Variants in THSD4 observed in about 807,000 individuals in gnomAD.
The protein encoded by THSD4 is thrombospondin type-1 domain-containing protein 4.
THSD4 carries 69 observed loss-of-function variants against 119.0 expected under a neutral mutation model. The observed-to-expected ratio is 0.58, with a 90% CI of 0.48 to 0.71. THSD4 has a LOEUF of 0.71. Among genes scored for constraint, THSD4 ranks in the 30% least tolerant of loss-of-function variants. THSD4 has a pLI of 0.00. For synonymous variants in THSD4, 524 were observed against 540.4 expected, an observed-to-expected ratio of 0.97 and a Z score of 0.42; for missense variants, 1,393 against 1,391.1, an observed-to-expected ratio of 1.00 and a Z score of -0.02.
At chr15:71,744,665 A>G (rs1396981716) in intron 11 of THSD4, among the ~76,000 whole-genome samples, 1 of 152,070 alleles carries the variant, frequency 6.6e-6, no homozygotes, top group Non-Finnish European at 1.5e-5. Flanking sequence ...CCCAAACCCA[A>G]TTCTTTCTCT....
intron 4 of THSD4, among the ~76,000 whole-genome samples, chr15:71,234,709 C>G (rs1446137039): frequency 6.6e-6 from 1 of 152,222 alleles, no homozygotes; most frequent in Non-Finnish European, 1.5e-5. Context: ...CAGACTTTGG[C>G]TCTTGACGGA....
At chr15:71,563,538 C>T (rs893259397) in intron 7 of THSD4, among the ~76,000 whole-genome samples, 1 of 152,146 alleles carries the variant, frequency 6.6e-6, no homozygotes, top group Admixed American at 6.5e-5. Flanking sequence ...AATCCGGATA[C>T]ACATCATAAT....
intron 4 of THSD4, among the ~76,000 whole-genome samples, chr15:71,217,861 A>T (rs1000859608): frequency 2.8e-5 from 4 of 143,594 alleles, no homozygotes; most frequent in East Asian, 2.1e-4. Context: ...ATCTCAGTTC[A>T]CTGCAACCTC....
chr15:71,391,177 C>T (rs562069834), intron 6 of THSD4, among the ~76,000 whole-genome samples: 57 of 152,164 alleles, frequency 3.7e-4, no homozygotes, highest in African/African-American at 1.3e-3. Flanking sequence ...TACAGGCTCC[C>T]GCCACCACGC....
At chr15:71,491,998 G>C (rs2047927047) in intron 7 of THSD4, among the ~76,000 whole-genome samples, 1 of 152,162 alleles carries the variant, frequency 6.6e-6, no homozygotes. Context: ...TTGATGACAA[G>C]TCAGGTGGAA....
At chr15:71,413,108 T>G (rs1004660788) in intron 7 of THSD4, among the ~76,000 whole-genome samples, 2 of 152,154 alleles carry the variant, frequency 1.3e-5, no homozygotes, top group African/African-American at 4.8e-5. Context: ...GCCTCCTAGG[T>G]TCAAGGGATT....
intron 7 of THSD4, among the ~76,000 whole-genome samples, chr15:71,413,306 C>A (rs1288023420): frequency 6.6e-6 from 1 of 152,234 alleles, no homozygotes; most frequent in African/African-American, 2.4e-5. Context: ...AGCCACCGCA[C>A]CCAGCTTCTA....
At chr15:71,303,098 C>A (rs2044974936) in intron 6 of THSD4, among the ~76,000 whole-genome samples, 1 of 152,068 alleles carries the variant, frequency 6.6e-6, no homozygotes, top group South Asian at 2.1e-4. Flanking sequence ...GCTTTCCTAC[C>A]CAGGAGGATA....
intron 7 of THSD4, among the ~76,000 whole-genome samples, chr15:71,515,738 G>T (rs2048352280): frequency 6.6e-6 from 1 of 152,228 alleles, no homozygotes; most frequent in Non-Finnish European, 1.5e-5. Context: ...TCTTTGTGAA[G>T]TAATAAATTG....
intron 6 of THSD4, among the ~76,000 whole-genome samples, chr15:71,360,419 C>T (rs1217485550): frequency 1.3e-5 from 2 of 152,160 alleles, no homozygotes; most frequent in African/African-American, 4.8e-5. Flanking sequence ...GGCTCTATCT[C>T]TTCATATGAG....
chr15:71,326,686 AAAAAAAAAAAAAAAAT>A lies in THSD4; in HGVS notation c.1015+69973_1015+69988del, dbSNP rs1415598131. ...AAGATTCCATCTCAAAAAAAAAAAA[AAAAAAAAAAAAAAAAT>A]ATATATATATATATATATATATATT... is the stretch of plus-strand genomic sequence containing the variant. On this transcript the variant is annotated intron_variant, in intron 6 of 17. Transcript: ENST00000261862. 2.8e-3 allele frequency among the ~76,000 whole-genome samples: 46 copies of A among 16,598 alleles called. 1 individual carries two copies. The highest frequency in any genetic ancestry group is 5.9e-3 in the African/African-American group (45 of 7,586). 10.9% of individuals were successfully genotyped at this position (16,598 alleles called of 152,430 possible). A position where few individuals can be genotyped will look rare whatever the true frequency, so the allele number is the denominator to read the frequency against.
chr15:71,422,222 C>G (rs1304030228), intron 7 of THSD4, among the ~76,000 whole-genome samples: 5 of 152,098 alleles, frequency 3.3e-5, no homozygotes, highest in African/African-American at 7.2e-5. Context: ...TGGATGTTCA[C>G]TGGGGTCTTG....
intron 6 of THSD4, among the ~76,000 whole-genome samples, chr15:71,259,011 G>C (rs1229669307): frequency 6.6e-6 from 1 of 152,090 alleles, no homozygotes; most frequent in African/African-American, 2.4e-5. Flanking sequence ...TACTTGGGAG[G>C]CTGAGGCAGG....
At chr15:71,766,796 G>A (rs2053723198) in intron 16 of THSD4, 1 of 152,112 alleles carries the variant, frequency 6.6e-6, no homozygotes, top group Admixed American at 6.5e-5. Context: ...AAACCATGGT[G>A]CATCCACACA....
At chr15:71,199,496 T>TGATGCATGTGTGG (rs1440084433) in intron 3 of THSD4, among the ~76,000 whole-genome samples, 3 of 79,788 alleles carry the variant, frequency 3.8e-5, no homozygotes, top group South Asian at 3.1e-4. Flanking sequence ...GGGGTGTGTG[T>TGATGCATGTGTGG]GGTGTGTGTG....
At chr15:71,457,499 T>C (rs1185683689) in intron 7 of THSD4, among the ~76,000 whole-genome samples, 1 of 151,982 alleles carries the variant, frequency 6.6e-6, no homozygotes, top group African/African-American at 2.4e-5. Flanking sequence ...CTCCTTGCTG[T>C]GGACAACAGG....
intron 7 of THSD4, among the ~76,000 whole-genome samples, chr15:71,634,187 CAAA>C (rs60080654): frequency 4.0e-5 from 5 of 126,118 alleles, no homozygotes; most frequent in Admixed American, 8.2e-5. Context: ...AACTCCGTCT[CAAA>C]AAAAAAAAAA....
At chr15:71,597,642 AACCACCT>A (rs2049929342) in intron 7 of THSD4, among the ~76,000 whole-genome samples, 2 of 152,348 alleles carry the variant, frequency 1.3e-5, no homozygotes, top group South Asian at 4.1e-4. Context: ...CTCCTGGTCA[AACCACCT>A]AGTTCTGATG....
At chr15:71,679,342 T>C (rs984460379) in intron 8 of THSD4, among the ~76,000 whole-genome samples, 2 of 152,216 alleles carry the variant, frequency 1.3e-5, no homozygotes, top group Non-Finnish European at 2.9e-5. Context: ...AGTAAATATC[T>C]TGGGCTTTGC....
Sources: gnomAD v4.1 joint callset for allele counts (sites outside exome capture counted in the v4.1 genomes callset) on GRCh38, gnomAD v4.1.1 for gene constraint, MANE v1.5 for transcripts, NCBI Gene and HGNC (gene_info 2026-07-23, HGNC 2026-07-21) for gene names.